GABBR2: variants seen among roughly 807,000 people sequenced by gnomAD.
The protein encoded by GABBR2 is G-protein coupled receptor 51.
In GABBR2, 23 loss-of-function variants were observed where a neutral mutation model predicts 105.6. The ratio of observed to expected loss-of-function variants is 0.22; its 90% CI spans 0.16 to 0.31. GABBR2 has a LOEUF of 0.31. Ranked by LOEUF, GABBR2 falls within the 10% of genes least tolerant of loss-of-function variation. The pLI is 1.00. For synonymous variants in GABBR2, 478 were observed against 499.7 expected (o/e 0.96, Z 0.58); for missense variants, 734 against 1,245.5 (o/e 0.59, Z 6.18).
At chr9:98,432,175 CGT>C (rs1466866508) in intron 7 of GABBR2, among the ~76,000 whole-genome samples, 2 of 152,138 alleles carry the variant, frequency 1.3e-5, no homozygotes, top group Non-Finnish European at 2.9e-5. Context: ...GGATTATAGG[CGT>C]GAGTCACTGC....
At chr9:98,510,463 G>T (rs1487623450) in intron 3 of GABBR2, among the ~76,000 whole-genome samples, 1 of 152,140 alleles carries the variant, frequency 6.6e-6, no homozygotes, top group Non-Finnish European at 1.5e-5. Context: ...CCAATTAAAA[G>T]ACACAGACTG....
chr9:98,405,859 C>G (rs1395499383), intron 8 of GABBR2, among the ~76,000 whole-genome samples: 3 of 152,122 alleles, frequency 2.0e-5, no homozygotes, highest in African/African-American at 7.2e-5. Flanking sequence ...AATCAACAGA[C>G]GTGGAACCCA....
At chr9:98,373,682 A>G (rs1318085311) in intron 11 of GABBR2, among the ~76,000 whole-genome samples, 1 of 152,174 alleles carries the variant, frequency 6.6e-6, no homozygotes, top group African/African-American at 2.4e-5. Context: ...GGTCTACAGC[A>G]TTTTTGATAA....
At chr9:98,643,105 C>A (rs985777810) in intron 1 of GABBR2, among the ~76,000 whole-genome samples, 1 of 152,214 alleles carries the variant, frequency 6.6e-6, no homozygotes, top group Non-Finnish European at 1.5e-5. Flanking sequence ...GGACTGGAAC[C>A]AATCCAGGGG....
chr9:98,579,814 A>G (rs1352142975), intron 1 of GABBR2, among the ~76,000 whole-genome samples: 15 of 152,172 alleles, frequency 9.9e-5, no homozygotes, highest in Admixed American at 9.8e-4. Context: ...TAAAACCACA[A>G]CCTTTGGGGA....
intron 13 of GABBR2, among the ~76,000 whole-genome samples, chr9:98,358,751 C>T (rs953686345): frequency 5.9e-5 from 9 of 152,196 alleles, no homozygotes; most frequent in Non-Finnish European, 8.8e-5. Flanking sequence ...GTCATGGAGT[C>T]AGGCTCCAGG....
intron 8 of GABBR2, among the ~76,000 whole-genome samples, chr9:98,400,271 C>T (rs1832371700): frequency 6.6e-6 from 1 of 150,658 alleles, no homozygotes; most frequent in Non-Finnish European, 1.5e-5. Context: ...CTAATAAGCA[C>T]AGAAAGAAAT....
chr9:98,310,947 GAT>G (rs1830625810), intron 14 of GABBR2, 146 bp downstream of exon 14: 1 of 579,312 alleles, frequency 1.7e-6, no homozygotes. Context: ...CAGGAACTGA[GAT>G]AGCATGTGGC....
intron 3 of GABBR2, among the ~76,000 whole-genome samples, chr9:98,521,975 C>G (rs1827877316): frequency 6.6e-6 from 1 of 152,018 alleles, no homozygotes; most frequent in Non-Finnish European, 1.5e-5. Flanking sequence ...TTTTGTATTT[C>G]ATGGAGGTTA....
intron 7 of GABBR2, among the ~76,000 whole-genome samples, chr9:98,419,682 C>T (rs767721355): frequency 2.0e-5 from 3 of 152,178 alleles, no homozygotes; most frequent in African/African-American, 7.2e-5. Context: ...TCTGATACAA[C>T]CCTGCTCTGC....
chr9:98,510,336 T>C (rs1486884399), intron 3 of GABBR2, among the ~76,000 whole-genome samples: 1 of 152,110 alleles, frequency 6.6e-6, no homozygotes, highest in Non-Finnish European at 1.5e-5. Flanking sequence ...GTAAAGACCA[T>C]CAAGGCTAGG....
chr9:98,371,406 G>T, intron 12 of GABBR2, 58 bp downstream of exon 12: 1 of 915,062 alleles, frequency 1.1e-6, no homozygotes, highest in Non-Finnish European at 1.8e-6. Context: ...GTATATACTT[G>T]CTAGATAAAT....
At chr9:98,379,568 C>T (rs1271220157) in intron 11 of GABBR2, among the ~76,000 whole-genome samples, 2 of 152,196 alleles carry the variant, frequency 1.3e-5, no homozygotes, top group Non-Finnish European at 2.9e-5. Flanking sequence ...CGCACCTGGC[C>T]TCCCAGCCTC....
At position 98,306,400 on chromosome 9, in the gene GABBR2, C is replaced by A; in HGVS notation, c.2005-55G>T. The A allele has an allele frequency of 7.8e-7, 1 of 1,276,128 alleles. No homozygotes were observed. Among genetic ancestry groups the A allele is most frequent in the South Asian group, 1.3e-5 (1 of 79,656 alleles). 79.1% of individuals were successfully genotyped at this position (1,276,128 alleles called of 1,614,324 possible). A position where few individuals can be genotyped will look rare whatever the true frequency, so the allele number is the denominator to read the frequency against. ...GATCGTTACCAAGGGGTGGCACACA[C>A]AGGCTGCTCTGAGAAGCTGTGGAGT... On this transcript the variant is annotated intron_variant, in intron 14 of 18. Coordinates refer to ENST00000259455, the MANE Select transcript of GABBR2 (RefSeq NM_005458.8). This position sits in a 1 kb window ranked among gnomAD's most constrained non-coding sequence, Gnocchi z 5.4.
chr9:98,305,992 A>G, intron 15 of GABBR2, 129 bp downstream of exon 15: 1 of 666,404 alleles, frequency 1.5e-6, no homozygotes, highest in Admixed American at 2.9e-5. Flanking sequence ...AATTTTCTAT[A>G]ATGTGAATTG....
intron 1 of GABBR2, among the ~76,000 whole-genome samples, chr9:98,658,556 C>T (rs35209831): frequency 0.09 from 13,767 of 152,174 alleles, 999 homozygotes; most frequent in African/African-American, 0.2. Context: ...GCTCTGTCAA[C>T]CCTCCAGAGG....
At chr9:98,573,169 C>T (rs749992171) in intron 2 of GABBR2, among the ~76,000 whole-genome samples, 4 of 152,188 alleles carry the variant, frequency 2.6e-5, no homozygotes, top group East Asian at 1.9e-4. Context: ...CCAGACCCTG[C>T]GCCAGACACT....
chr9:98,288,772 A>C lies in GABBR2; in HGVS notation c.*1812T>G, dbSNP rs1202493592. 6.6e-6 allele frequency: 1 copy of C among 152,558 alleles called. No homozygotes were observed. The highest frequency in any genetic ancestry group is 1.5e-5 in the Non-Finnish European group (1 of 68,024). 9.5% of individuals were successfully genotyped at this position (152,558 alleles called of 1,614,324 possible). A position where few individuals can be genotyped will look rare whatever the true frequency, so the allele number is the denominator to read the frequency against. ...TCCCTAAAAGCTACAGTACCTCCATAACCTCTCTTTGGGGAAGGGGAGCAG... is the reference window on the plus strand; with the variant it reads ...TCCCTAAAAGCTACAGTACCTCCATCACCTCTCTTTGGGGAAGGGGAGCAG... On this transcript the variant is annotated 3_prime_UTR_variant, in exon 19 of 19. Transcript: ENST00000259455.
chr9:98,554,610 C>A (rs2131753207), intron 2 of GABBR2, among the ~76,000 whole-genome samples: 1 of 152,176 alleles, frequency 6.6e-6, no homozygotes, highest in Non-Finnish European at 1.5e-5. Context: ...ATAGCAAAAC[C>A]AATATCCAGC....
Sources: allele counts gnomAD v4.1 joint callset (sites outside exome capture counted in the v4.1 genomes callset), GRCh38; gene constraint gnomAD v4.1.1; non-coding constraint Gnocchi (gnomAD v3.1); transcripts MANE v1.5; gene names NCBI Gene and HGNC (gene_info 2026-07-23, HGNC 2026-07-21).